Variants in COL5A1 observed in about 807,000 individuals in gnomAD.
COL5A1 encodes collagen alpha-1(V) chain.
In COL5A1, 16 loss-of-function variants were observed where a neutral mutation model predicts 263.7. The observed-to-expected ratio is 0.06, with a 90% CI of 0.04 to 0.09. The LOEUF is 0.09. Among genes scored for constraint, COL5A1 ranks in the 10% least tolerant of loss-of-function variants. COL5A1 has a pLI of 1.00. For synonymous variants in COL5A1, 1,012 were observed against 1,004.5 expected (o/e 1.01, Z -0.14); for missense variants, 2,036 against 2,540.5 (o/e 0.80, Z 4.27).
intron 1 of COL5A1, among the ~76,000 whole-genome samples, chr9:134,685,408 ATTAATTCAT>A (rs1833012546): frequency 6.8e-5 from 5 of 73,694 alleles, no homozygotes; most frequent in East Asian, 3.9e-4. Flanking sequence ...CCATCCATCC[ATTAATTCAT>A]CCATCCATCC....
At chr9:134,793,453 A>G (rs984733526) in intron 32 of COL5A1, among the ~76,000 whole-genome samples, 4 of 152,102 alleles carry the variant, frequency 2.6e-5, no homozygotes, top group Admixed American at 1.3e-4. Flanking sequence ...GTTAGTTTAT[A>G]AAGAAAACAG....
At chr9:134,751,007 C>A in intron 13 of COL5A1, 125 bp downstream of exon 13, 1 of 856,560 alleles carries the variant, frequency 1.2e-6, no homozygotes, top group Non-Finnish European at 1.9e-6. Context: ...TCCCAGAATG[C>A]CTGCTTGCTG....
chr9:134,778,715 C>T (rs1837142997), intron 27 of COL5A1, among the ~76,000 whole-genome samples: 1 of 152,252 alleles, frequency 6.6e-6, no homozygotes. Flanking sequence ...CAGGCCTCTC[C>T]ACTAGTGGTG....
intron 34 of COL5A1, 40 bp from the exon 35 acceptor site, chr9:134,796,334 A>G: frequency 6.2e-7 from 1 of 1,606,332 alleles, no homozygotes; most frequent in Non-Finnish European, 8.5e-7. Flanking sequence ...TCCAAATAAT[A>G]ACAATCATAA....
At chr9:134,763,569 A>T in intron 19 of COL5A1, 124 bp from the exon 20 acceptor site, 1 of 962,236 alleles carries the variant, frequency 1.0e-6, no homozygotes, top group South Asian at 1.3e-5. Flanking sequence ...CTGGTACCAG[A>T]GCTGGTAAAC....
rs185905908 is a variant in COL5A1 at position 134,809,483 on chromosome 9, C to T, written c.3474+193C>T. On this transcript the variant is annotated intron_variant, in intron 43 of 65. Coordinates refer to ENST00000371817, the MANE Select transcript of COL5A1 (RefSeq NM_000093.5). Reference sequence around the variant, plus strand: ...CCCACTGGTAAATGGTAATACACGCCGTCCCCGGCACGCTCGAGGGACTTA... The same window carrying T: ...CCCACTGGTAAATGGTAATACACGCTGTCCCCGGCACGCTCGAGGGACTTA... Among the ~76,000 whole-genome samples the T allele has an allele frequency of 2.9e-3, 436 of 152,180 alleles. 2 individuals are homozygous for T. The highest frequency in any genetic ancestry group is 0.021 in the Middle Eastern group (6 of 290).
In COL5A1 at chr9:134,678,429, G is replaced by T. The variant is rs1832740591; in HGVS notation, c.110-12483G>T. 6.6e-6 allele frequency among the ~76,000 whole-genome samples: 1 copy of T among 152,194 alleles called. No homozygotes were observed. Among genetic ancestry groups the T allele is most frequent in the African/African-American group, 2.4e-5 (1 of 41,436 alleles). On this transcript the variant is annotated intron_variant, in intron 1 of 65. Coordinates refer to ENST00000371817, the MANE Select transcript of COL5A1 (RefSeq NM_000093.5). This position sits in a 1 kb window ranked among gnomAD's most constrained non-coding sequence, Gnocchi z 5.5. ...CCAGGGTCCAGTCCCCCAACAACAGGCTCATTGCAGTGGCCTGCCGCCCCG... is the reference window on the plus strand; with the variant it reads ...CCAGGGTCCAGTCCCCCAACAACAGTCTCATTGCAGTGGCCTGCCGCCCCG...
In COL5A1 at chr9:134,792,787, G is replaced by GTGCGTGCA. The variant is rs1386712097; in HGVS notation, c.2701-2293_2701-2292insCGTGCATG. 6.6e-3 allele frequency among the ~76,000 whole-genome samples: 1,000 copies of GTGCGTGCA among 150,832 alleles called. 9 individuals are homozygous for GTGCGTGCA. Among genetic ancestry groups the GTGCGTGCA allele is most frequent in the African/African-American group, 0.023 (953 of 40,666 alleles). ...TGTGTGTGTGCGTGTGTGTACATAT[G>GTGCGTGCA]TGTGTGTGCATGTGTGCGTGCATGT... On this transcript the variant is annotated intron_variant, in intron 32 of 65. Transcript: ENST00000371817.
In COL5A1 at chr9:134,790,381, T is replaced by TCCAC. The variant is rs1249527157; in HGVS notation, c.2700+1193_2700+1196dup. Among the ~76,000 whole-genome samples, 4 of 90,032 alleles carry TCCAC rather than the reference T, an allele frequency of 4.4e-5. No individual in the cohort carries two copies. In the East Asian group the frequency reaches 1.5e-3, roughly 33 times the overall value. The allele number at this position is 90,032 out of a possible 152,430, so 59.1% of individuals were successfully genotyped here. On this transcript the variant is annotated intron_variant, in intron 32 of 65. Coordinates refer to ENST00000371817, the MANE Select transcript of COL5A1 (RefSeq NM_000093.5). The stretch of plus-strand genomic sequence containing the variant: ...ATCCACCCATCCATCCATGCATCCA[T>TCCAC]CCACCCACCCACCCACCCACCCAGC...
rs1839016902 is a variant in COL5A1, at chr9:134,821,891, C to A, written c.4555-206C>A. 6.6e-6 allele frequency among the ~76,000 whole-genome samples: 1 copy of A among 152,220 alleles called. No individual in the cohort carries two copies. The highest frequency in any genetic ancestry group is 2.4e-5 in the African/African-American group (1 of 41,458). On this transcript the variant is annotated intron_variant, in intron 58 of 65. Coordinates refer to ENST00000371817, the MANE Select transcript of COL5A1 (RefSeq NM_000093.5). This position sits in a 1 kb window ranked among gnomAD's most constrained non-coding sequence, Gnocchi z 4.2. ...GGGGAGCAGTGCCGAGGGCTGGCAG[C>A]CTTGGGGTGGATGCTCAGGTCGATG... is the stretch of plus-strand genomic sequence containing the variant.
chr9:134,780,009 A>G (rs1218049411), intron 27 of COL5A1, 93 bp from the exon 28 acceptor site: 4 of 1,421,596 alleles, frequency 2.8e-6, no homozygotes, highest in Non-Finnish European at 4.0e-6. Flanking sequence ...TGTCAGCTTC[A>G]GCGAGCTCAG....
intron 11 of COL5A1, among the ~76,000 whole-genome samples, chr9:134,749,020 C>A (rs540813866): frequency 6.6e-6 from 1 of 152,268 alleles, no homozygotes; most frequent in Non-Finnish European, 1.5e-5. Context: ...GGGTGGATCA[C>A]GAGGTCAGGA....
chr9:134,715,016 C>G (rs1382187915), intron 4 of COL5A1, among the ~76,000 whole-genome samples: 1 of 151,928 alleles, frequency 6.6e-6, no homozygotes, highest in Non-Finnish European at 1.5e-5. Context: ...GACACAGAGA[C>G]AAAGTATAGA....
chr9:134,679,398 G>T (rs1257762161), intron 1 of COL5A1, among the ~76,000 whole-genome samples: 1 of 117,592 alleles, frequency 8.5e-6, no homozygotes, highest in Non-Finnish European at 1.7e-5. Flanking sequence ...GCACTGTGGG[G>T]CTTCTTAGGG....
intron 32 of COL5A1, among the ~76,000 whole-genome samples, chr9:134,792,647 G>A (rs1162315199): frequency 6.6e-6 from 1 of 152,174 alleles, no homozygotes; most frequent in African/African-American, 2.4e-5. Context: ...TTACAGGCGT[G>A]AACCACCATG....
chr9:134,695,639 G>A (rs1298081400), intron 2 of COL5A1, among the ~76,000 whole-genome samples: 3 of 152,210 alleles, frequency 2.0e-5, no homozygotes, highest in Non-Finnish European at 2.9e-5. Context: ...CCTGATGGCT[G>A]AGAGGAGGGG....
rs374860250 is a variant in COL5A1 at position 134,821,143 on chromosome 9, C to T, written c.4554+920C>T. 2.6e-5 allele frequency among the ~76,000 whole-genome samples: 4 copies of T among 152,112 alleles called. No homozygotes were observed. Among genetic ancestry groups the T allele is most frequent in the South Asian group, 4.1e-4 (2 of 4,828 alleles). ...TATCCCCAGGCCACAGCAGGGTCGT[C>T]GGAGGAGTGCCGCCCAGGGTGTGGT... On this transcript the variant is annotated intron_variant, in intron 58 of 65. Transcript: ENST00000371817. This position sits in a 1 kb window ranked among gnomAD's most constrained non-coding sequence, Gnocchi z 4.2.
chr9:134,780,233 A>G (rs1349024314), intron 28 of COL5A1, 87 bp downstream of exon 28: 1 of 1,301,848 alleles, frequency 7.7e-7, no homozygotes, highest in Non-Finnish European at 1.1e-6. Flanking sequence ...TGCTTCTTCC[A>G]TGAAACCAGC....
chr9:134,668,703 T>A (rs1385526420), intron 1 of COL5A1, among the ~76,000 whole-genome samples: 2 of 150,870 alleles, frequency 1.3e-5, no homozygotes, highest in Non-Finnish European at 3.0e-5. Context: ...TGTTCTTCCA[T>A]CCGTTCACCT....
Sources: allele counts gnomAD v4.1 joint callset (sites outside exome capture counted in the v4.1 genomes callset), GRCh38; gene constraint gnomAD v4.1.1; non-coding constraint Gnocchi (gnomAD v3.1); transcripts MANE v1.5; gene names NCBI Gene and HGNC (gene_info 2026-07-23, HGNC 2026-07-21).